RPS6KA2: variants seen among roughly 807,000 people sequenced by gnomAD.
RPS6KA2 encodes ribosomal protein S6 kinase alpha-2.
RPS6KA2 carries 42 observed loss-of-function variants against 91.8 expected under a neutral mutation model. That is an observed-to-expected ratio of 0.46 (90% CI 0.36 to 0.59). The LOEUF is 0.59. RPS6KA2 is among the 20% of genes least tolerant of loss of function. RPS6KA2 has a pLI of 0.00. For missense variants in RPS6KA2, 798 were observed against 978.5 expected, an observed-to-expected ratio of 0.82 and a Z score of 2.46; for synonymous variants, 414 against 393.6, an observed-to-expected ratio of 1.05 and a Z score of -0.61.
intron 2 of RPS6KA2, among the ~76,000 whole-genome samples, chr6:166,646,756 A>G (rs1642515182): frequency 6.6e-6 from 1 of 152,012 alleles, no homozygotes; most frequent in Non-Finnish European, 1.5e-5. Flanking sequence ...TACCAAGCAA[A>G]CCCTTTTGTC....
chr6:166,582,667 A>G (rs1785058329), intron 1 of RPS6KA2, among the ~76,000 whole-genome samples: 1 of 152,232 alleles, frequency 6.6e-6, no homozygotes, highest in Non-Finnish European at 1.5e-5. Flanking sequence ...AAAAGTGCCA[A>G]AAAATGGGCA....
Position 166,852,327 on chromosome 6 carries a change from C to A in RPS6KA2, c.123+5873G>T, listed in dbSNP as rs931390519. The stretch of plus-strand genomic sequence containing the variant: ...CTTCTTTCAAATCTACTAGTGATTT[C>A]TTGTAAACAGTAATTGCATTGCTCT... On this transcript the variant is annotated intron_variant, in intron 2 of 21. Coordinates refer to the RPS6KA2 transcript ENST00000503859. The surrounding 1 kb of genome is among the most constrained non-coding windows in gnomAD (Gnocchi z 4.1). Among the ~76,000 whole-genome samples, 5 of 152,186 alleles carry A rather than the reference C, an allele frequency of 3.3e-5. No individual in the cohort carries two copies. Among genetic ancestry groups the A allele is most frequent in the Admixed American group, 3.3e-4 (5 of 15,288 alleles).
chr6:166,800,291 A>T (rs943248940), intron 2 of RPS6KA2, among the ~76,000 whole-genome samples: 21 of 152,328 alleles, frequency 1.4e-4, no homozygotes, highest in African/African-American at 4.8e-4. Context: ...CTCAGCCCCT[A>T]GAGCACGGGG....
At chr6:166,829,451 T>C (rs1365483201) in intron 2 of RPS6KA2, among the ~76,000 whole-genome samples, 2 of 151,298 alleles carry the variant, frequency 1.3e-5, no homozygotes, top group East Asian at 1.9e-4. Flanking sequence ...ATTAGCCGGG[T>C]ATGGTGGCGG....
Position 166,770,865 on chromosome 6 carries a change from C to T in RPS6KA2, c.123+87335G>A. On this transcript the variant is annotated intron_variant, in intron 2 of 21. Transcript: ENST00000503859. This position sits in a 1 kb window ranked among gnomAD's most constrained non-coding sequence, Gnocchi z 5.1. ...AAACCCACAGGAACGCTTCTTACCTCTACGGATCCAGCTACCTTTGTCTTG... is the reference window on the plus strand; with the variant it reads ...AAACCCACAGGAACGCTTCTTACCTTTACGGATCCAGCTACCTTTGTCTTG... 6.3e-7 allele frequency: 1 copy of T among 1,596,100 alleles called. No individual in the cohort carries two copies.
chr6:166,567,404 T>TA (rs1784537382), intron 1 of RPS6KA2, among the ~76,000 whole-genome samples: 2 of 152,110 alleles, frequency 1.3e-5, no homozygotes, highest in Admixed American at 1.3e-4. Flanking sequence ...CGTGAGTCAC[T>TA]AAAAAACCAG....
At chr6:166,689,462 A>G (rs1195503652) in intron 2 of RPS6KA2, among the ~76,000 whole-genome samples, 2 of 152,224 alleles carry the variant, frequency 1.3e-5, no homozygotes, top group Non-Finnish European at 2.9e-5. Flanking sequence ...TAATTGAATG[A>G]AAAAATAAGT....
At chr6:166,562,933 G>C (rs1784385104) in intron 1 of RPS6KA2, among the ~76,000 whole-genome samples, 1 of 152,216 alleles carries the variant, frequency 6.6e-6, no homozygotes. Flanking sequence ...GACTGGGGCA[G>C]AAGCAGGGGT....
chr6:166,709,976 C>A (rs1252942867), intron 2 of RPS6KA2, among the ~76,000 whole-genome samples: 1 of 152,254 alleles, frequency 6.6e-6, no homozygotes, highest in Middle Eastern at 3.4e-3. Flanking sequence ...TTCATGTACG[C>A]CATATTCTAT....
intron 14 of RPS6KA2, among the ~76,000 whole-genome samples, chr6:166,444,858 G>A (rs551894211): frequency 7.2e-5 from 11 of 152,278 alleles, no homozygotes; most frequent in African/African-American, 1.4e-4. Flanking sequence ...TTTTAGGACC[G>A]ATTCTAGCTG....
At chr6:166,507,390 C>CCA (rs1562542578) in intron 5 of RPS6KA2, among the ~76,000 whole-genome samples, 1 of 146,514 alleles carries the variant, frequency 6.8e-6, no homozygotes. Context: ...ACACACACAC[C>CCA]CACCCCACAT....
chr6:166,766,384 T>C (rs1468167556), intron 2 of RPS6KA2, among the ~76,000 whole-genome samples: 1 of 152,216 alleles, frequency 6.6e-6, no homozygotes, highest in African/African-American at 2.4e-5. Context: ...ACCAGTAATA[T>C]AGATTTCTTT....
intron 2 of RPS6KA2, among the ~76,000 whole-genome samples, chr6:166,710,171 A>G (rs1429014181): frequency 1.3e-5 from 2 of 152,228 alleles, no homozygotes; most frequent in Non-Finnish European, 2.9e-5. Context: ...TTAAAAAAAT[A>G]CAATGAAATC....
intron 2 of RPS6KA2, among the ~76,000 whole-genome samples, chr6:166,655,258 C>G (rs997495334): frequency 2.0e-5 from 3 of 152,180 alleles, no homozygotes; most frequent in Non-Finnish European, 4.4e-5. Flanking sequence ...GTAAGACTGA[C>G]TACAAGGTAC....
intron 11 of RPS6KA2, chr6:166,460,595 C>T (rs9355583): frequency 0.52 from 79,459 of 152,040 alleles, 22,430 homozygotes; most frequent in African/African-American, 0.74. Flanking sequence ...ATCACCCTGA[C>T]GACAGAAGGC....
At chr6:166,675,837 T>C (rs1788604581) in intron 2 of RPS6KA2, among the ~76,000 whole-genome samples, 1 of 152,220 alleles carries the variant, frequency 6.6e-6, no homozygotes, top group African/African-American at 2.4e-5. Context: ...TTTTTGGCTA[T>C]TGTGTCATAT....
intron 2 of RPS6KA2, among the ~76,000 whole-genome samples, chr6:166,803,659 G>A (rs912374215): frequency 1.3e-5 from 2 of 152,196 alleles, no homozygotes; most frequent in South Asian, 2.1e-4. Context: ...TATTCCACAC[G>A]TGAGACTCTC....
At chr6:166,723,704 C>CTTTTTTTT (rs1249150694) in intron 2 of RPS6KA2, among the ~76,000 whole-genome samples, 1 of 139,650 alleles carries the variant, frequency 7.2e-6, no homozygotes, top group African/African-American at 2.7e-5. Context: ...CTTTTCTTTT[C>CTTTTTTTT]TTTTTTTTTT....
rs911187243 is a variant in RPS6KA2 at position 166,494,602 on chromosome 6, T to G, written c.748-3861A>C. ...GCCTGGCGTAGAGGAGTGCTGGAAATTCTACAAATGTCACCACGCAGCCGG... is the reference window on the plus strand; with the variant it reads ...GCCTGGCGTAGAGGAGTGCTGGAAAGTCTACAAATGTCACCACGCAGCCGG... On this transcript the variant is annotated intron_variant, in intron 8 of 20. Transcript: ENST00000265678. The surrounding 1 kb of genome is among the most constrained non-coding windows in gnomAD (Gnocchi z 5.1). Among the ~76,000 whole-genome samples, 3 of 152,190 alleles carry G rather than the reference T, an allele frequency of 2.0e-5. No homozygotes were observed. Among genetic ancestry groups the G allele is most frequent in the African/African-American group, 7.2e-5 (3 of 41,436 alleles).
Sources: allele counts gnomAD v4.1 joint callset (sites outside exome capture counted in the v4.1 genomes callset), GRCh38; gene constraint gnomAD v4.1.1; non-coding constraint Gnocchi (gnomAD v3.1); transcripts MANE v1.5; gene names NCBI Gene and HGNC (gene_info 2026-07-23, HGNC 2026-07-21).